Variants in DNM2 observed in about 807,000 individuals in gnomAD.
DNM2 encodes the protein dynamin 2.
DNM2 carries 15 observed loss-of-function variants against 99.0 expected under a neutral mutation model. The ratio of observed to expected loss-of-function variants is 0.15; its 90% CI spans 0.10 to 0.23. DNM2 has a LOEUF of 0.23. DNM2 is among the 10% of genes least tolerant of loss of function. The pLI is 1.00. For synonymous variants in DNM2, 525 were observed against 481.2 expected, an observed-to-expected ratio of 1.09 and a Z score of -1.19; for missense variants, 742 against 1,189.4, an observed-to-expected ratio of 0.62 and a Z score of 5.53.
intron 2 of DNM2, among the ~76,000 whole-genome samples, chr19:10,760,197 CTT>C (rs55799441): frequency 2.2e-4 from 31 of 140,792 alleles, no homozygotes; most frequent in African/African-American, 1.6e-4. Flanking sequence ...CCATGGCCAG[CTT>C]TTTTTTTTTT....
At chr19:10,821,788 C>T (rs183544778) in intron 16 of DNM2, among the ~76,000 whole-genome samples, 1 of 152,298 alleles carries the variant, frequency 6.6e-6, no homozygotes, top group African/African-American at 2.4e-5. Context: ...ACCTCGGCCT[C>T]CCAAAGTGCT....
At chr19:10,729,164 C>CAAAAAAA (rs919370114) in intron 1 of DNM2, among the ~76,000 whole-genome samples, 15 of 44,404 alleles carry the variant, frequency 3.4e-4, no homozygotes, top group South Asian at 2.3e-3. Flanking sequence ...GACTCCGTCT[C>CAAAAAAA]AAAAAAAAAA....
At position 10,772,652 on chromosome 19, in the gene DNM2, A is replaced by G. The variant is rs2071019245; in HGVS notation, c.385+24A>G. 1.2e-6 allele frequency: 2 copies of G among 1,613,766 alleles called. No individual in the cohort carries two copies. The highest frequency in any genetic ancestry group is 1.7e-6 in the Non-Finnish European group (2 of 1,179,982). On this transcript the variant is annotated intron_variant, in intron 3 of 20. Transcript: ENST00000389253. The surrounding 1 kb of genome is among the most constrained non-coding windows in gnomAD (Gnocchi z 4.9). ...CGGTAGGCAGCACGGGTGGGGACCC[A>G]TCACTGACCGTTTCTGGTCGTTCAT...
Position 10,830,844 on chromosome 19 carries a change from G to T in DNM2, c.2544-134G>T. 9.0e-7 allele frequency: 1 copy of T among 1,108,238 alleles called. No individual in the cohort carries two copies. The highest frequency in any genetic ancestry group is 1.3e-6 in the Non-Finnish European group (1 of 792,232). The allele number at this position is 1,108,238 out of a possible 1,614,324, so 68.7% of individuals were successfully genotyped here. On this transcript the variant is annotated intron_variant, in intron 20 of 20. Transcript: ENST00000389253. The surrounding 1 kb of genome is among the most constrained non-coding windows in gnomAD (Gnocchi z 4.8). ...TGGCACTCCTGCCCGACACCCTGGT[G>T]GCTTGCGGAGGTCAGCCTGGGAACA...
chr19:10,771,323 C>T (rs1000210739), intron 2 of DNM2, among the ~76,000 whole-genome samples: 1 of 152,214 alleles, frequency 6.6e-6, no homozygotes, highest in Non-Finnish European at 1.5e-5. Context: ...GTGGGACCCA[C>T]ACTGCTTGTC....
chr19:10,831,406 C>G lies in DNM2; in HGVS notation c.*359C>G. ...GCTGGGAAAGCCCATGTAGGGCAGGCCTTCTATAAGTGCGGGCACCAAGGG... is the reference window on the plus strand; with the variant it reads ...GCTGGGAAAGCCCATGTAGGGCAGGGCTTCTATAAGTGCGGGCACCAAGGG... On this transcript the variant is annotated 3_prime_UTR_variant, in exon 21 of 21. Coordinates refer to ENST00000389253, the MANE Select transcript of DNM2 (RefSeq NM_001005361.3). This position sits in a 1 kb window ranked among gnomAD's most constrained non-coding sequence, Gnocchi z 4.3. 2 of 1,052,164 alleles carry G rather than the reference C, an allele frequency of 1.9e-6. No individual in the cohort carries two copies. The highest frequency in any genetic ancestry group is 2.3e-6 in the Non-Finnish European group (2 of 873,202). 65.2% of individuals were successfully genotyped at this position (1,052,164 alleles called of 1,614,324 possible). A position where few individuals can be genotyped will look rare whatever the true frequency, so the allele number is the denominator to read the frequency against.
chr19:10,797,681 G>A (rs1461443630), intron 10 of DNM2, among the ~76,000 whole-genome samples, 163 bp downstream of exon 10: 1 of 152,214 alleles, frequency 6.6e-6, no homozygotes, highest in Non-Finnish European at 1.5e-5. Flanking sequence ...ATGGAATGGG[G>A]GGAGTGGCAT....
intron 3 of DNM2, among the ~76,000 whole-genome samples, chr19:10,773,619 T>A (rs943977871): frequency 1.3e-4 from 19 of 151,800 alleles, no homozygotes; most frequent in East Asian, 7.7e-4. Context: ...TGGCTAATTT[T>A]TTTTTTATTT....
chr19:10,810,386 G>T, intron 14 of DNM2: 1 of 152,542 alleles, frequency 6.6e-6, no homozygotes, highest in Non-Finnish European at 1.5e-5. Flanking sequence ...GTGGTGGATG[G>T]CTAACGGGCC....
chr19:10,731,129 G>A (rs990579680), intron 1 of DNM2, among the ~76,000 whole-genome samples: 1 of 152,090 alleles, frequency 6.6e-6, no homozygotes, highest in Admixed American at 6.5e-5. Context: ...CCTGCTGGGT[G>A]ATACGCCCTG....
intron 2 of DNM2, among the ~76,000 whole-genome samples, chr19:10,762,102 G>A (rs960357020): frequency 2.0e-5 from 3 of 152,254 alleles, no homozygotes; most frequent in African/African-American, 7.2e-5. Flanking sequence ...GTACAGTGGC[G>A]GGTGATCTTG....
chr19:10,770,709 AGAGT>A (rs2070945297), intron 2 of DNM2, among the ~76,000 whole-genome samples: 1 of 152,206 alleles, frequency 6.6e-6, no homozygotes, highest in South Asian at 2.1e-4. Context: ...GCTGGCAAAG[AGAGT>A]GAGAGAGCTT....
In DNM2 at chr19:10,830,626, C is replaced by T. The variant is rs1374982129; in HGVS notation, c.2543+248C>T. 1.7e-6 allele frequency: 1 copy of T among 598,966 alleles called. No individual in the cohort carries two copies. The highest frequency in any genetic ancestry group is 2.9e-6 in the Non-Finnish European group (1 of 342,312). The allele number at this position is 598,966 out of a possible 1,614,324, so 37.1% of individuals were successfully genotyped here. ...GCCCTCTGCCTACTGGGGTGTGCCACCAGGCAGCTGGGGAACCCTCACACT... is the reference window on the plus strand; with the variant it reads ...GCCCTCTGCCTACTGGGGTGTGCCATCAGGCAGCTGGGGAACCCTCACACT... On this transcript the variant is annotated intron_variant, in intron 20 of 20. Coordinates refer to ENST00000389253, the MANE Select transcript of DNM2 (RefSeq NM_001005361.3). This position sits in a 1 kb window ranked among gnomAD's most constrained non-coding sequence, Gnocchi z 4.8.
intron 1 of DNM2, among the ~76,000 whole-genome samples, chr19:10,727,739 C>T (rs576101777): frequency 3.9e-5 from 6 of 152,222 alleles, no homozygotes; most frequent in South Asian, 2.1e-4. Context: ...AACCCTGTCT[C>T]GCTGTCGCTC....
At chr19:10,727,118 T>C (rs996726533) in intron 1 of DNM2, among the ~76,000 whole-genome samples, 2 of 152,128 alleles carry the variant, frequency 1.3e-5, no homozygotes, top group East Asian at 3.9e-4. Context: ...TCTCCCCATG[T>C]GATTCTTGGT....
At chr19:10,751,425 G>A (rs1378666934) in intron 1 of DNM2, among the ~76,000 whole-genome samples, 1 of 152,114 alleles carries the variant, frequency 6.6e-6, no homozygotes, top group Non-Finnish European at 1.5e-5. Flanking sequence ...AGTAGATGAC[G>A]GAGGCTGGAA....
Position 10,812,213 on chromosome 19 carries a change from T to C in DNM2, c.1558-51T>C. 1.3e-6 allele frequency: 2 copies of C among 1,495,312 alleles called. No individual in the cohort carries two copies. Among genetic ancestry groups the C allele is most frequent in the Non-Finnish European group, 1.8e-6 (2 of 1,100,214 alleles). The allele number at this position is 1,495,312 out of a possible 1,614,324, so 92.6% of individuals were successfully genotyped here. A position where few individuals can be genotyped will look rare whatever the true frequency, so the allele number is the denominator to read the frequency against. On this transcript the variant is annotated intron_variant, in intron 14 of 20. Transcript: ENST00000389253. This position sits in a 1 kb window ranked among gnomAD's most constrained non-coding sequence, Gnocchi z 4.0. ...TGGGCAAGGCTGCTGCGCTGGGGGA[T>C]GGCTGGGGCACGGAGCGAGGTTCCC...
intron 1 of DNM2, among the ~76,000 whole-genome samples, chr19:10,753,363 T>G (rs2070266365): frequency 6.6e-6 from 1 of 151,248 alleles, no homozygotes; most frequent in Admixed American, 6.6e-5. Flanking sequence ...AGTACAGACT[T>G]TCTTCTGTAC....
chr19:10,817,820 CGCGCGCGCACGCGTGCGT>C lies in DNM2; in HGVS notation c.1672-2157_1672-2140del, dbSNP rs1463362828. Among the ~76,000 whole-genome samples, 5 of 94,598 alleles carry C rather than the reference CGCGCGCGCACGCGTGCGT, an allele frequency of 5.3e-5. No individual in the cohort carries two copies. The highest frequency in any genetic ancestry group is 1.3e-4 in the African/African-American group (4 of 31,622). The allele number at this position is 94,598 out of a possible 152,430, so 62.1% of individuals were successfully genotyped here. ...ACACACGTGTGTGTGTGTGTGTGCG[CGCGCGCGCACGCGTGCGT>C]GCCGGCAGCACCAGGAAGGCGGCCA... On this transcript the variant is annotated intron_variant, in intron 15 of 20. Transcript: ENST00000389253. This position sits in a 1 kb window ranked among gnomAD's most constrained non-coding sequence, Gnocchi z 4.6.
Sources: allele counts gnomAD v4.1 joint callset (sites outside exome capture counted in the v4.1 genomes callset), GRCh38; gene constraint gnomAD v4.1.1; non-coding constraint Gnocchi (gnomAD v3.1); transcripts MANE v1.5; gene names NCBI Gene and HGNC (gene_info 2026-07-23, HGNC 2026-07-21).